RANBP17: variants seen among roughly 807,000 people sequenced by gnomAD.
RANBP17 encodes the protein ran-binding protein 17.
A neutral mutation model predicts 141.2 loss-of-function variants in RANBP17; 158 were observed. The observed-to-expected ratio is 1.12, with a 90% confidence interval of 0.98 to 1.28. RANBP17 has a LOEUF of 1.28. Among genes scored for constraint, RANBP17 ranks in the 50% most tolerant of loss-of-function variants. The pLI is 0.00. For missense variants in RANBP17, 1,438 were observed against 1,290.7 expected (o/e 1.11, Z -1.75); for synonymous variants, 430 against 450.0 (o/e 0.96, Z 0.56).
At chr5:171,126,144 A>G (rs1050171709) in intron 14 of RANBP17, among the ~76,000 whole-genome samples, 1 of 152,184 alleles carries the variant, frequency 6.6e-6, no homozygotes, top group African/African-American at 2.4e-5. Context: ...ATGGGATAAA[A>G]CTAGAAATTA....
rs370686717 is a variant in RANBP17 at position 170,899,037 on chromosome 5, T to C, written c.489+2922T>C. 4.1e-4 allele frequency among the ~76,000 whole-genome samples: 63 copies of C among 152,278 alleles called. 1 individual carries two copies. In the South Asian group the frequency reaches 0.013, roughly 31 times the overall value. ...TGGTTCCATATGAAATTTAAAGTAG[T>C]TTTTTCTAATTCTGTGAAGAAAGTC... On this transcript the variant is annotated intron_variant, in intron 5 of 27. Coordinates refer to ENST00000523189, the MANE Select transcript of RANBP17 (RefSeq NM_022897.5).
Position 171,268,532 on chromosome 5 carries a change from C to T in RANBP17, c.2943+2685C>T, listed in dbSNP as rs143459250. Among the ~76,000 whole-genome samples, 418 of 152,164 alleles carry T rather than the reference C, an allele frequency of 2.7e-3. 4 individuals carry two copies. Among genetic ancestry groups the T allele is most frequent in the African/African-American group, 8.7e-3 (360 of 41,500 alleles). On this transcript the variant is annotated intron_variant, in intron 25 of 27. Transcript: ENST00000523189. ...TATACATGCTATCAAAATGTCAGCG[C>T]GTCTCTCCTCCCTCCCCACCCCACC...
chr5:170,973,810 C>G (rs1777162048), intron 14 of RANBP17, among the ~76,000 whole-genome samples: 1 of 152,164 alleles, frequency 6.6e-6, no homozygotes, highest in South Asian at 2.1e-4. Context: ...TTTCTGTTTT[C>G]ATAGTTGGTG....
chr5:170,998,395 G>T (rs1468287761), intron 14 of RANBP17, among the ~76,000 whole-genome samples: 1 of 152,094 alleles, frequency 6.6e-6, no homozygotes, highest in Non-Finnish European at 1.5e-5. Flanking sequence ...ACTTTGGTTT[G>T]CTTTTTAAAA....
chr5:170,999,761 T>G (rs746697162), intron 14 of RANBP17, among the ~76,000 whole-genome samples: 4 of 152,166 alleles, frequency 2.6e-5, no homozygotes, highest in Non-Finnish European at 5.9e-5. Flanking sequence ...AACATAAAAT[T>G]TACTATCTTA....
chr5:171,140,136 C>T (rs1283839328), intron 14 of RANBP17, among the ~76,000 whole-genome samples: 1 of 152,184 alleles, frequency 6.6e-6, no homozygotes, highest in Non-Finnish European at 1.5e-5. Context: ...GGAAGCCCTC[C>T]CTGATCTCCC....
At chr5:170,914,282 G>A in intron 8 of RANBP17, 42 bp downstream of exon 8, 1 of 1,241,246 alleles carries the variant, frequency 8.1e-7, no homozygotes, top group African/African-American at 1.5e-5. Context: ...AAATACCTGT[G>A]TAAATAAGGG....
At chr5:171,062,796 C>G (rs1783990160) in intron 14 of RANBP17, among the ~76,000 whole-genome samples, 1 of 152,222 alleles carries the variant, frequency 6.6e-6, no homozygotes. Flanking sequence ...TTCAGGTACA[C>G]CAATCAGACG....
rs1331845549 is a variant in RANBP17 at position 171,264,474 on chromosome 5, CAG to C, written c.2777-1206_2777-1205del. 3.3e-5 allele frequency among the ~76,000 whole-genome samples: 5 copies of C among 152,280 alleles called. No homozygotes were observed. The East Asian group carries it at 7.7e-4, about 24-fold the overall frequency. On this transcript the variant is annotated intron_variant, in intron 24 of 27. Coordinates refer to ENST00000523189, the MANE Select transcript of RANBP17 (RefSeq NM_022897.5). The stretch of plus-strand genomic sequence containing the variant: ...TGTTTATTTTCATACCTTGGCTGTG[CAG>C]TCTTCTAGCTGTGTGACAATGGACA...
At chr5:171,277,256 A>G (rs774042554) in intron 25 of RANBP17, among the ~76,000 whole-genome samples, 1 of 152,042 alleles carries the variant, frequency 6.6e-6, no homozygotes, top group Non-Finnish European at 1.5e-5. Flanking sequence ...TTTTTATGAC[A>G]TAAGAAAATG....
intron 14 of RANBP17, among the ~76,000 whole-genome samples, chr5:170,996,896 A>G (rs1778851843): frequency 6.6e-6 from 1 of 152,170 alleles, no homozygotes; most frequent in Admixed American, 6.5e-5. Context: ...TTGACTCCAA[A>G]TCTTCAGTGT....
At chr5:171,128,119 C>T (rs546691490) in intron 14 of RANBP17, among the ~76,000 whole-genome samples, 1 of 152,282 alleles carries the variant, frequency 6.6e-6, no homozygotes, top group Non-Finnish European at 1.5e-5. Context: ...GATCACACCA[C>T]TGCACTCCAG....
intron 11 of RANBP17, among the ~76,000 whole-genome samples, chr5:170,924,028 C>T (rs920027374): frequency 2.7e-5 from 4 of 150,378 alleles, no homozygotes; most frequent in African/African-American, 7.4e-5. Context: ...GACAGAGTCT[C>T]GCCCTGTCAC....
At chr5:171,265,648 AT>A (rs1485964701) in intron 24 of RANBP17, 32 bp from the exon 25 acceptor site, 1 of 1,514,334 alleles carries the variant, frequency 6.6e-7, no homozygotes, top group Non-Finnish European at 8.9e-7. Context: ...AACTTAAGTA[AT>A]GCAAATGAAT....
At chr5:170,984,477 A>G (rs1219129182) in intron 14 of RANBP17, among the ~76,000 whole-genome samples, 1 of 152,018 alleles carries the variant, frequency 6.6e-6, no homozygotes, top group African/African-American at 2.4e-5. Context: ...AATTCTAAAA[A>G]TTAGCTGGGC....
At chr5:171,152,217 A>C (rs1758535939) in intron 14 of RANBP17, among the ~76,000 whole-genome samples, 1 of 151,720 alleles carries the variant, frequency 6.6e-6, no homozygotes, top group African/African-American at 2.4e-5. Flanking sequence ...GTTCGAGACC[A>C]GCCTGGCCAA....
At position 170,888,156 on chromosome 5, in the gene RANBP17, A is replaced by G. The variant is rs1769307860; in HGVS notation, c.257-4231A>G. Among the ~76,000 whole-genome samples the G allele has an allele frequency of 2.0e-5, 3 of 152,158 alleles. 1 individual carries two copies. The highest frequency in any genetic ancestry group is 4.8e-5 in the African/African-American group (2 of 41,430). On this transcript the variant is annotated intron_variant, in intron 3 of 27. Coordinates refer to ENST00000523189, the MANE Select transcript of RANBP17 (RefSeq NM_022897.5). ...GTTCTTCTTCGGTATTGTGTTGGCT[A>G]TTTTGGTATTGTGTTCGGTATGGTG...
At chr5:171,247,653 G>A (rs753370474) in intron 24 of RANBP17, among the ~76,000 whole-genome samples, 3 of 151,880 alleles carry the variant, frequency 2.0e-5, no homozygotes, top group Non-Finnish European at 2.9e-5. Context: ...ACCCCAACCC[G>A]CAACTCTTAT....
intron 2 of RANBP17, 108 bp from the exon 3 acceptor site, chr5:170,881,698 G>A (rs1768707306): frequency 1.4e-6 from 1 of 736,452 alleles, no homozygotes; most frequent in Non-Finnish European, 2.1e-6. Context: ...AAATTTGCCA[G>A]TTTGGAAAAC....
Sources: allele counts gnomAD v4.1 joint callset (sites outside exome capture counted in the v4.1 genomes callset), GRCh38; gene constraint gnomAD v4.1.1; transcripts MANE v1.5; gene names NCBI Gene and HGNC (gene_info 2026-07-23, HGNC 2026-07-21).